The following CAST variants were observed in gnomAD, a reference collection of about 807,000 sequenced individuals.
CAST encodes the protein MIR583 host.
CAST carries 76 observed loss-of-function variants against 119.6 expected under a neutral mutation model. The ratio of observed to expected loss-of-function variants is 0.64; its 90% CI spans 0.53 to 0.77. The LOEUF (loss-of-function observed/expected upper bound fraction) is 0.77. CAST is among the 30% of genes least tolerant of loss of function. The pLI, the probability that CAST is intolerant of heterozygous loss-of-function variation, is 0.00. For missense variants in CAST, 953 were observed against 946.5 expected, an observed-to-expected ratio of 1.01 and a Z score of -0.09; for synonymous variants, 319 against 331.6, an observed-to-expected ratio of 0.96 and a Z score of 0.41.
chr5:95,990,981 T>G, the CAST span, among the ~76,000 whole-genome samples: 5,798 of 152,290 alleles, frequency 0.038, 181 homozygotes, highest in Admixed American at 0.077. Context: ...CTAACTCTAA[T>G]TAGTGTTTTC....
the CAST span, among the ~76,000 whole-genome samples, chr5:96,495,295 G>C: frequency 6.6e-6 from 1 of 152,054 alleles, no homozygotes; most frequent in African/African-American, 2.4e-5. Context: ...TGTATGTGCA[G>C]AACATGCAGG....
At chr5:96,390,896 C>G in the CAST span, 1 of 152,660 alleles carries the variant, frequency 6.6e-6, no homozygotes, top group Non-Finnish European at 1.5e-5. Context: ...CCTTTGGCTA[C>G]AACCCAATGA....
the CAST span, among the ~76,000 whole-genome samples, chr5:96,348,189 T>A: frequency 6.6e-6 from 1 of 151,922 alleles, no homozygotes; most frequent in Admixed American, 6.6e-5. Flanking sequence ...AGGAGCCAGA[T>A]TTAGAGTAAG....
chr5:96,607,154 G>A (rs1437879335), intron 1 of CAST, among the ~76,000 whole-genome samples: 2 of 152,172 alleles, frequency 1.3e-5, no homozygotes, highest in African/African-American at 4.8e-5. Context: ...CGGGCGTGGT[G>A]GTGGGCGCCT....
the CAST span, among the ~76,000 whole-genome samples, chr5:96,094,083 C>T: frequency 6.6e-6 from 1 of 152,218 alleles, no homozygotes; most frequent in African/African-American, 2.4e-5. Context: ...CTTGCACCTA[C>T]TGTCTGATTA....
At chr5:96,743,432 G>T (rs963878939) in intron 16 of CAST, 4 of 610,602 alleles carry the variant, frequency 6.6e-6, no homozygotes, top group Non-Finnish European at 8.3e-6. Flanking sequence ...AGGCAGTGTT[G>T]TGGGGAGATG....
At chr5:96,203,134 C>T in the CAST span, among the ~76,000 whole-genome samples, 1 of 151,882 alleles carries the variant, frequency 6.6e-6, no homozygotes, top group Non-Finnish European at 1.5e-5. Context: ...AAAAAGATCA[C>T]ATTATGCACA....
the CAST span, among the ~76,000 whole-genome samples, chr5:96,210,380 G>A: frequency 6.6e-6 from 1 of 151,926 alleles, no homozygotes; most frequent in East Asian, 1.9e-4. Flanking sequence ...GGTGTATGTT[G>A]AGGTTCATAT....
chr5:96,670,571 C>T (rs527711347), intron 1 of CAST, among the ~76,000 whole-genome samples: 8 of 152,104 alleles, frequency 5.3e-5, no homozygotes, highest in Non-Finnish European at 7.4e-5. Context: ...GATCTCAGCT[C>T]GCTGCAACCT....
the CAST span, among the ~76,000 whole-genome samples, chr5:96,146,733 T>C: frequency 4.1e-3 from 624 of 152,306 alleles, 5 homozygotes; most frequent in African/African-American, 0.014. Flanking sequence ...CATCAACCCA[T>C]GACATCTCAT....
chr5:96,708,778 C>T (rs549235084), intron 3 of CAST, among the ~76,000 whole-genome samples: 110 of 152,332 alleles, frequency 7.2e-4, no homozygotes, highest in African/African-American at 2.6e-3. Flanking sequence ...TTCTTCACTA[C>T]TCAACCCGAG....
chr5:96,743,297 A>T (rs1763065698), intron 16 of CAST, among the ~76,000 whole-genome samples: 1 of 152,196 alleles, frequency 6.6e-6, no homozygotes, highest in South Asian at 2.1e-4. Flanking sequence ...AGCCTTCTGA[A>T]CCAAAACAAG....
At chr5:96,748,727 G>GT in intron 19 of CAST, 114 bp downstream of exon 19, 1 of 551,666 alleles carries the variant, frequency 1.8e-6, no homozygotes, top group Non-Finnish European at 3.3e-6. Context: ...ATATGCCATC[G>GT]TTTTTTCCAT....
chr5:96,399,866 A>T, the CAST span: 1 of 1,020,174 alleles, frequency 9.8e-7, no homozygotes, highest in East Asian at 2.5e-5. Flanking sequence ...AGAAGGGTAG[A>T]TACAAAAAAA....
the CAST span, among the ~76,000 whole-genome samples, chr5:96,272,478 A>G: frequency 3.3e-5 from 5 of 152,152 alleles, no homozygotes; most frequent in Non-Finnish European, 7.4e-5. Context: ...GGAACTGGAG[A>G]TCATAATGTT....
chr5:96,735,736 A>C (rs1381040720), intron 9 of CAST, among the ~76,000 whole-genome samples: 1 of 152,188 alleles, frequency 6.6e-6, no homozygotes, highest in Non-Finnish European at 1.5e-5. Context: ...CATTTTAAGG[A>C]AAGAGGAGGT....
intron 24 of CAST, 46 bp downstream of exon 24, chr5:96,757,700 T>C: frequency 7.2e-7 from 1 of 1,387,364 alleles, no homozygotes; most frequent in Non-Finnish European, 1.0e-6. Flanking sequence ...TTTTTTTTTT[T>C]TTTCCTTTGA....
At chr5:96,112,911 G>A in the CAST span, among the ~76,000 whole-genome samples, 8 of 152,318 alleles carry the variant, frequency 5.3e-5, no homozygotes, top group Admixed American at 5.2e-4. Context: ...GGGAGATGGA[G>A]AGAGATAATA....
chr5:96,104,061 G>T, the CAST span, among the ~76,000 whole-genome samples: 1 of 152,158 alleles, frequency 6.6e-6, no homozygotes, highest in East Asian at 1.9e-4. Flanking sequence ...CATGTCCTTC[G>T]CCCACTTTTT....
Sources: allele counts gnomAD v4.1 joint callset (sites outside exome capture counted in the v4.1 genomes callset), GRCh38; gene constraint gnomAD v4.1.1; transcripts MANE v1.5; gene names NCBI Gene and HGNC (gene_info 2026-07-23, HGNC 2026-07-21).